The following ADAMTS19 variants were observed in gnomAD, a reference collection of about 807,000 sequenced individuals.
ADAMTS19 encodes the protein A disintegrin and metalloproteinase with thrombospondin motifs 19.
ADAMTS19 carries 93 observed loss-of-function variants against 153.3 expected under a neutral mutation model. That is an observed-to-expected ratio of 0.61 (90% confidence interval 0.51 to 0.72). The LOEUF (loss-of-function observed/expected upper bound fraction) is 0.72, where lower values mean the gene tolerates loss of function less well. Among genes scored for constraint, ADAMTS19 ranks in the 30% least tolerant of loss-of-function variants. ADAMTS19 has a pLI of 0.00. For synonymous variants in ADAMTS19, 600 were observed against 556.6 expected (o/e 1.08, Z -1.10); for missense variants, 1,482 against 1,552.1 (o/e 0.95, Z 0.76).
At chr5:129,592,397 A>T (rs1348870153) in intron 7 of ADAMTS19, among the ~76,000 whole-genome samples, 2 of 151,510 alleles carry the variant, frequency 1.3e-5, no homozygotes, top group Non-Finnish European at 2.9e-5. Flanking sequence ...AAAAAAAAAA[A>T]AAGTGCTTTG....
intron 13 of ADAMTS19, among the ~76,000 whole-genome samples, chr5:129,652,121 T>A (rs1338979919): frequency 6.6e-6 from 1 of 152,224 alleles, no homozygotes; most frequent in African/African-American, 2.4e-5. Context: ...TACAAAGTGA[T>A]GTATATCATC....
intron 19 of ADAMTS19, among the ~76,000 whole-genome samples, chr5:129,697,207 G>A (rs1408215896): frequency 6.6e-6 from 1 of 152,124 alleles, no homozygotes; most frequent in African/African-American, 2.4e-5. Context: ...TAATGTCAAT[G>A]CTGTTCAGTT....
chr5:129,539,823 T>A (rs1752595995), intron 6 of ADAMTS19, among the ~76,000 whole-genome samples: 1 of 152,084 alleles, frequency 6.6e-6, no homozygotes, highest in Non-Finnish European at 1.5e-5. Context: ...ACTGGCAAAC[T>A]GTTCTCCCTT....
intron 7 of ADAMTS19, among the ~76,000 whole-genome samples, chr5:129,564,229 T>C (rs1753625288): frequency 6.6e-6 from 1 of 152,260 alleles, no homozygotes; most frequent in Middle Eastern, 3.4e-3. Flanking sequence ...CTGAATGATA[T>C]ATTGACTTTG....
intron 3 of ADAMTS19, among the ~76,000 whole-genome samples, chr5:129,511,358 A>G (rs1379376283): frequency 6.6e-6 from 1 of 151,698 alleles, no homozygotes; most frequent in Non-Finnish European, 1.5e-5. Context: ...AAAGGAGGGG[A>G]AAGCACATGA....
chr5:129,697,876 A>G (rs1478171990), intron 19 of ADAMTS19, among the ~76,000 whole-genome samples: 1 of 152,244 alleles, frequency 6.6e-6, no homozygotes, highest in Non-Finnish European at 1.5e-5. Context: ...AATTTGTTTT[A>G]TATTGCCATA....
chr5:129,618,454 G>A (rs1751628085), intron 8 of ADAMTS19, among the ~76,000 whole-genome samples: 1 of 151,842 alleles, frequency 6.6e-6, no homozygotes, highest in Admixed American at 6.6e-5. Flanking sequence ...GATAGAATTA[G>A]TCTTAATTCA....
intron 2 of ADAMTS19, among the ~76,000 whole-genome samples, chr5:129,502,142 A>G (rs751500981): frequency 1.2e-4 from 19 of 152,138 alleles, no homozygotes; most frequent in Admixed American, 5.2e-4. Context: ...GACCTGTTTA[A>G]GGGAACAGAA....
intron 7 of ADAMTS19, among the ~76,000 whole-genome samples, chr5:129,558,618 C>T (rs544206719): frequency 1.7e-4 from 26 of 151,922 alleles, no homozygotes; most frequent in East Asian, 9.7e-4. Flanking sequence ...AAAATTCTAA[C>T]GAGAGTTTTG....
At chr5:129,548,940 A>G (rs2126815363) in intron 6 of ADAMTS19, among the ~76,000 whole-genome samples, 1 of 148,038 alleles carries the variant, frequency 6.8e-6, no homozygotes, top group Non-Finnish European at 1.5e-5. Flanking sequence ...AAAACCAAAC[A>G]GCACATGTTC....
At chr5:129,578,482 G>T (rs1161905231) in intron 7 of ADAMTS19, among the ~76,000 whole-genome samples, 1 of 151,276 alleles carries the variant, frequency 6.6e-6, no homozygotes, top group East Asian at 2.0e-4. Flanking sequence ...TAAGTTCTGG[G>T]GTACATGTGC....
At chr5:129,580,406 C>T (rs988446296) in intron 7 of ADAMTS19, among the ~76,000 whole-genome samples, 1 of 152,140 alleles carries the variant, frequency 6.6e-6, no homozygotes, top group Non-Finnish European at 1.5e-5. Flanking sequence ...TCCTCTATTC[C>T]TATTTGAATA....
chr5:129,515,968 CCA>C (rs1751592182), intron 3 of ADAMTS19, among the ~76,000 whole-genome samples: 1 of 151,912 alleles, frequency 6.6e-6, no homozygotes, highest in South Asian at 2.1e-4. Context: ...CCTTCTATCC[CCA>C]GTTTTTTGAC....
intron 3 of ADAMTS19, among the ~76,000 whole-genome samples, chr5:129,525,686 C>A (rs1751982706): frequency 6.6e-6 from 1 of 151,902 alleles, no homozygotes; most frequent in African/African-American, 2.4e-5. Flanking sequence ...GTAGGCAAAC[C>A]TATACATGAT....
intron 1 of ADAMTS19, chr5:129,460,834 G>A: frequency 2.1e-6 from 1 of 484,388 alleles, no homozygotes. Flanking sequence ...TCTTTGCATC[G>A]GTTTTCTTTT....
At chr5:129,520,579 AATT>A (rs149408897) in intron 3 of ADAMTS19, among the ~76,000 whole-genome samples, 2,121 of 152,216 alleles carry the variant, frequency 0.014, 36 homozygotes, top group African/African-American at 0.049. Context: ...TGTTTCCACT[AATT>A]ATTATTATTT....
chr5:129,702,955 T>C (rs868555877), intron 20 of ADAMTS19, among the ~76,000 whole-genome samples: 1 of 132,426 alleles, frequency 7.6e-6, no homozygotes, highest in South Asian at 2.2e-4. Context: ...TATATATATA[T>C]ATATATATAT....
intron 2 of ADAMTS19, among the ~76,000 whole-genome samples, chr5:129,486,778 ATAAAT>A (rs1025553746): frequency 7.9e-5 from 12 of 152,226 alleles, no homozygotes; most frequent in South Asian, 2.1e-4. Flanking sequence ...ATACAGTAAA[ATAAAT>A]TAAAAATCAG....
At chr5:129,460,609 G>C in intron 1 of ADAMTS19, 127 bp downstream of exon 1, 1 of 1,023,904 alleles carries the variant, frequency 9.8e-7, no homozygotes. Flanking sequence ...CAATAAAAAT[G>C]AGCTTGAGGT....
Sources: gnomAD v4.1 joint callset for allele counts (sites outside exome capture counted in the v4.1 genomes callset) on GRCh38, gnomAD v4.1.1 for gene constraint, MANE v1.5 for transcripts, NCBI Gene and HGNC (gene_info 2026-07-23, HGNC 2026-07-21) for gene names.